Variants in IMMP2L observed in about 807,000 individuals in gnomAD.
IMMP2L encodes the protein inner mitochondrial membrane peptidase subunit 2.
IMMP2L carries 18 observed loss-of-function variants against 19.3 expected under a neutral mutation model. The observed-to-expected ratio is 0.93, with a 90% confidence interval of 0.64 to 1.38. The LOEUF (loss-of-function observed/expected upper bound fraction) is 1.38. Ranked by LOEUF, IMMP2L falls within the 40% of genes most tolerant of loss-of-function variation. IMMP2L has a pLI of 0.00. For missense variants in IMMP2L, 233 were observed against 218.2 expected (o/e 1.07, Z -0.43); for synonymous variants, 76 against 73.0 (o/e 1.04, Z -0.21).
intron 3 of IMMP2L, among the ~76,000 whole-genome samples, chr7:111,186,513 T>A (rs1160776111): frequency 1.3e-5 from 2 of 152,036 alleles, no homozygotes; most frequent in East Asian, 3.9e-4. Flanking sequence ...CTCCACCTCC[T>A]GGGTTCAAGG....
At chr7:111,085,805 A>C (rs1044694295) in intron 3 of IMMP2L, among the ~76,000 whole-genome samples, 1 of 152,236 alleles carries the variant, frequency 6.6e-6, no homozygotes, top group Non-Finnish European at 1.5e-5. Context: ...CTATGCAGCC[A>C]TTAAAAAAGA....
intron 5 of IMMP2L, among the ~76,000 whole-genome samples, chr7:110,861,350 C>T (rs995365201): frequency 2.6e-5 from 4 of 151,760 alleles, no homozygotes; most frequent in Non-Finnish European, 4.4e-5. Context: ...GCAATATTGG[C>T]TCACTGCATC....
chr7:110,830,570 T>A (rs1356736075), intron 5 of IMMP2L, among the ~76,000 whole-genome samples: 1 of 152,136 alleles, frequency 6.6e-6, no homozygotes, highest in Non-Finnish European at 1.5e-5. Flanking sequence ...GGCCATCTTG[T>A]ACTGCAAACA....
At chr7:110,954,800 C>T (rs1818198404) in intron 4 of IMMP2L, among the ~76,000 whole-genome samples, 1 of 152,060 alleles carries the variant, frequency 6.6e-6, no homozygotes, top group Non-Finnish European at 1.5e-5. Flanking sequence ...GAACTCTATT[C>T]ACGAGAGATA....
At chr7:111,485,177 T>C (rs1277185053) in intron 3 of IMMP2L, among the ~76,000 whole-genome samples, 1 of 152,168 alleles carries the variant, frequency 6.6e-6, no homozygotes, top group African/African-American at 2.4e-5. Context: ...TTCACGATCA[T>C]CTGTTGTTAA....
chr7:111,105,727 ATG>A (rs2129581322), intron 3 of IMMP2L, among the ~76,000 whole-genome samples: 1 of 152,022 alleles, frequency 6.6e-6, no homozygotes, highest in South Asian at 2.1e-4. Context: ...CATTTGTATT[ATG>A]TGTACTAACA....
chr7:111,047,696 A>C (rs1792543329), intron 3 of IMMP2L, among the ~76,000 whole-genome samples: 1 of 152,166 alleles, frequency 6.6e-6, no homozygotes, highest in Non-Finnish European at 1.5e-5. Flanking sequence ...ATATTGAGAC[A>C]GACAGACTTG....
intron 3 of IMMP2L, among the ~76,000 whole-genome samples, chr7:111,463,473 A>G (rs1840326034): frequency 6.6e-6 from 1 of 152,036 alleles, no homozygotes; most frequent in Non-Finnish European, 1.5e-5. Flanking sequence ...GGCAAATGGG[A>G]GGCACCTGTT....
intron 5 of IMMP2L, among the ~76,000 whole-genome samples, chr7:110,723,684 A>G (rs1406351735): frequency 6.6e-6 from 1 of 152,144 alleles, no homozygotes; most frequent in Non-Finnish European, 1.5e-5. Flanking sequence ...GTTTCAAGAG[A>G]TATTTACTGG....
In IMMP2L at chr7:110,713,314, T is replaced by A. The variant is rs1035029883; in HGVS notation, c.409-49593A>T. ...CCATGCTCTTTTGGTTACTGTGGAC[T>A]TACATTACTAGTTTGAAGTCAGGTA... is the stretch of plus-strand genomic sequence containing the variant. On this transcript the variant is annotated intron_variant, in intron 5 of 5. Coordinates refer to ENST00000405709, the MANE Select transcript of IMMP2L (RefSeq NM_032549.4). 2.0e-5 allele frequency among the ~76,000 whole-genome samples: 3 copies of A among 152,298 alleles called. No homozygotes were observed. In the East Asian group the frequency reaches 5.8e-4, roughly 29 times the overall value.
rs554955033 is a variant in IMMP2L, at chr7:111,204,171, C to G, written c.240-240606G>C. Among the ~76,000 whole-genome samples the G allele has an allele frequency of 3.3e-5, 5 of 152,282 alleles. No homozygotes were observed. In the East Asian group the frequency reaches 9.6e-4, roughly 29 times the overall value. On this transcript the variant is annotated intron_variant, in intron 3 of 5. Transcript: ENST00000405709. ...TATCTTGTTCTGTCCAACAATGTTTCAACGACTGAGACAAATCCTGCTGTG... is the reference window on the plus strand; with the variant it reads ...TATCTTGTTCTGTCCAACAATGTTTGAACGACTGAGACAAATCCTGCTGTG...
At chr7:110,854,883 T>C (rs772201672) in intron 5 of IMMP2L, among the ~76,000 whole-genome samples, 51 of 151,940 alleles carry the variant, frequency 3.4e-4, no homozygotes, top group Non-Finnish European at 7.1e-4. Context: ...ATATCTAATA[T>C]ACAGCAAGTA....
At chr7:111,316,702 T>G (rs1824118674) in intron 3 of IMMP2L, among the ~76,000 whole-genome samples, 1 of 152,016 alleles carries the variant, frequency 6.6e-6, no homozygotes, top group South Asian at 2.1e-4. Context: ...AAATGTATTA[T>G]CTCATAAATT....
chr7:111,091,034 G>A (rs964268943), intron 3 of IMMP2L: 4 of 152,230 alleles, frequency 2.6e-5, no homozygotes, highest in African/African-American at 9.7e-5. Context: ...GAGCAGCTGC[G>A]AGTGCTACAT....
intron 3 of IMMP2L, among the ~76,000 whole-genome samples, chr7:111,014,602 C>T (rs185808355): frequency 3.1e-4 from 47 of 152,044 alleles, no homozygotes; most frequent in Non-Finnish European, 5.7e-4. Flanking sequence ...AACTTTAAAA[C>T]TTTTGTGCAT....
chr7:110,682,843 G>T (rs532309833), intron 5 of IMMP2L, among the ~76,000 whole-genome samples: 1 of 152,186 alleles, frequency 6.6e-6, no homozygotes, highest in South Asian at 2.1e-4. Flanking sequence ...AGAGAAGAAA[G>T]CAAGAGCACT....
intron 3 of IMMP2L, among the ~76,000 whole-genome samples, chr7:110,979,412 C>A (rs1321362408): frequency 6.6e-6 from 1 of 152,066 alleles, no homozygotes; most frequent in African/African-American, 2.4e-5. Flanking sequence ...AATAGAATTA[C>A]AGATGATGTT....
chr7:110,700,189 T>A (rs1295212573), intron 5 of IMMP2L, among the ~76,000 whole-genome samples: 1 of 152,196 alleles, frequency 6.6e-6, no homozygotes, highest in Non-Finnish European at 1.5e-5. Context: ...CCACTACGTT[T>A]GTGGTAATTT....
At position 111,336,503 on chromosome 7, in the gene IMMP2L, T is replaced by A. The variant is rs574272218; in HGVS notation, c.239+150735A>T. Among the ~76,000 whole-genome samples the A allele has an allele frequency of 5.9e-5, 9 of 152,238 alleles. No individual in the cohort carries two copies. The East Asian group carries it at 1.5e-3, about 26-fold the overall frequency. ...TTATCTATCTTTGATTTGGGGTGGA[T>A]CTCTCAATACTATCTTTCAGCTTAA... On this transcript the variant is annotated intron_variant, in intron 3 of 5. Transcript: ENST00000405709.
Sources: gnomAD v4.1 joint callset for allele counts (sites outside exome capture counted in the v4.1 genomes callset) on GRCh38, gnomAD v4.1.1 for gene constraint, MANE v1.5 for transcripts, NCBI Gene and HGNC (gene_info 2026-07-23, HGNC 2026-07-21) for gene names.